NEB: variants seen among roughly 807,000 people sequenced by gnomAD.
NEB encodes the protein nebulin.
NEB carries 512 observed loss-of-function variants against 952.2 expected under a neutral mutation model. That is an observed-to-expected ratio of 0.54 (90% confidence interval 0.50 to 0.58). The LOEUF (loss-of-function observed/expected upper bound fraction) is 0.58. Among genes scored for constraint, NEB ranks in the 20% least tolerant of loss-of-function variants. The pLI, the probability that NEB is intolerant of heterozygous loss-of-function variation, is 0.00. For synonymous variants in NEB, 2,900 were observed against 3,149.8 expected (o/e 0.92, Z 2.66); for missense variants, 8,428 against 9,231.1 (o/e 0.91, Z 3.56).
intron 181 of NEB, among the ~76,000 whole-genome samples, chr2:151,487,429 AATAG>A (rs2051703873): frequency 1.3e-5 from 2 of 152,220 alleles, no homozygotes; most frequent in Non-Finnish European, 2.9e-5. Flanking sequence ...CAAATTCACA[AATAG>A]ATTTCCTTTC....
intron 25 of NEB, among the ~76,000 whole-genome samples, 184 bp downstream of exon 25, chr2:151,688,108 C>T (rs2099516980): frequency 6.6e-6 from 1 of 152,202 alleles, no homozygotes; most frequent in Non-Finnish European, 1.5e-5. Flanking sequence ...ACAGAGACCA[C>T]AGAAAATGAA....
rs765738019 is a variant in NEB at position 151,575,703 on chromosome 2, C to A, written c.17005G>T (p.Val5669Leu). The A allele has an allele frequency of 6.3e-7, 1 of 1,589,444 alleles. No individual in the cohort carries two copies. Among genetic ancestry groups the A allele is most frequent in the Non-Finnish European group, 8.6e-7 (1 of 1,157,620 alleles). The change falls in exon 107 of 182, where the codon GTG (valine) becomes TTG (leucine). Residue 5669 changes from valine (V) to leucine (L), a missense_variant. By Grantham distance (32) the Val-to-Leu change is conservative. Around this residue, in one of 11 missense-constraint regions of NEB, gnomAD observed 3,374 missense variants for 3,651.5 expected, o/e 0.92. Transcript: ENST00000397345. The stretch of plus-strand genomic sequence containing the variant: ...TCTGTTGTAGTACTTACATTGCTCA[C>A]ATTAAGAGCATTTGCTCTAGCGAGA... Reference protein sequence around the residue: ...INLARANALNVSNKLYREGWD... With the variant: ...INLARANALNLSNKLYREGWD...
Position 151,497,669 on chromosome 2 carries a change from G to A in NEB, c.24257C>T (p.Pro8086Leu). The A allele has an allele frequency of 6.3e-7, 1 of 1,586,054 alleles. No homozygotes were observed. ...ATTGTGTTTGACTCTTTCCATCTCGGGAGTGACAGGTAAAGGGGTTCCCTT... is the reference window on the plus strand; with the variant it reads ...ATTGTGTTTGACTCTTTCCATCTCGAGAGTGACAGGTAAAGGGGTTCCCTT... ...MGKGTPLPVTPEMERVKHNQE... is the reference protein window; with the variant it reads ...MGKGTPLPVTLEMERVKHNQE... Residue 8086 changes from proline (P) to leucine (L), a missense_variant, in exon 171 of 182, where the codon CCC becomes CTC. Pro to Leu is a moderately conservative substitution (Grantham distance 98). This residue lies in a region of NEB where 3,374 missense variants were observed against 3,651.5 expected (regional missense o/e 0.92). Transcript: ENST00000397345.
At position 151,682,748 on chromosome 2, in the gene NEB, T is replaced by G; in HGVS notation, c.2857A>C (p.Asn953His). ...CAGCCACAACCTTTCATCCAGCTATTGTAGTCAGCTTTGTATTCAACCTAA... is the reference window on the plus strand; with the variant it reads ...CAGCCACAACCTTTCATCCAGCTATGGTAGTCAGCTTTGTATTCAACCTAA... ...QSDVEYKADY[N>H]SWMKGCGWVP... is the part of the protein sequence containing the mutation. Residue 953 changes from asparagine (N) to histidine (H), a missense_variant, in exon 29 of 182, where the codon AAT (asparagine) becomes CAT (histidine). Asn to His is a moderately conservative substitution (Grantham distance 68). Coordinates refer to ENST00000397345, the MANE Select transcript of NEB (RefSeq NM_001164508.2). 6.2e-7 allele frequency: 1 copy of G among 1,613,298 alleles called. No homozygotes were observed. Among genetic ancestry groups the G allele is most frequent in the South Asian group, 1.1e-5 (1 of 90,972 alleles).
At chr2:151,721,591 T>C (rs932360409) in intron 9 of NEB, among the ~76,000 whole-genome samples, 1 of 152,250 alleles carries the variant, frequency 6.6e-6, no homozygotes, top group African/African-American at 2.4e-5. Context: ...TTTTGTTTCA[T>C]TTTTAACTTT....
At chr2:151,577,201 A>G (rs1177660811) in intron 105 of NEB, among the ~76,000 whole-genome samples, 1 of 152,204 alleles carries the variant, frequency 6.6e-6, no homozygotes, top group East Asian at 1.9e-4. Flanking sequence ...CATCGGTCAT[A>G]GGATAAACAT....
intron 56 of NEB, 41 bp downstream of exon 56, chr2:151,644,427 A>G (rs755106823): frequency 5.9e-6 from 9 of 1,525,678 alleles, no homozygotes; most frequent in Non-Finnish European, 7.3e-6. Flanking sequence ...TGAAGTGATA[A>G]ATTGCAATCA....
In NEB at chr2:151,546,376, A is replaced by T; in HGVS notation, c.20435T>A (p.Met6812Lys). The change falls in exon 134 of 182, where the codon ATG becomes AAG. Residue 6812 changes from methionine (M) to lysine (K), a missense_variant. Coordinates refer to ENST00000397345, the MANE Select transcript of NEB (RefSeq NM_001164508.2). ...FGCFLYDTPD[M>K]VRSRHLRKLW... ...CTTCCGCAGGTGCCGGGAGCGGACC[A>T]TGTCAGGAGTGTCATACAGGAAGCA... is the stretch of plus-strand genomic sequence containing the variant. The T allele has an allele frequency of 1.2e-6, 2 of 1,613,272 alleles. No homozygotes were observed. The highest frequency in any genetic ancestry group is 1.7e-6 in the Non-Finnish European group (2 of 1,179,518).
chr2:151,569,822 T>C (rs2096563798), intron 109 of NEB, among the ~76,000 whole-genome samples: 1 of 152,256 alleles, frequency 6.6e-6, no homozygotes, highest in Non-Finnish European at 1.5e-5. Flanking sequence ...ATCTAAATTC[T>C]ATAGAAAGAA....
chr2:151,525,071 T>TAGAGTGACC, intron 151 of NEB, 92 bp downstream of exon 151: 1 of 951,472 alleles, frequency 1.1e-6, no homozygotes, highest in Non-Finnish European at 1.7e-6. Flanking sequence ...ACAGAGGAAT[T>TAGAGTGACC]AGAGTGACCA....
At chr2:151,497,206 G>A (rs2060804564) in intron 171 of NEB, 173 bp from the exon 172 acceptor site, 1 of 751,508 alleles carries the variant, frequency 1.3e-6, no homozygotes. Context: ...GAAGTTGTTG[G>A]GATGGGGAAT....
Position 151,540,376 on chromosome 2 carries a change from T to A in NEB, c.20860A>T (p.Arg6954Ter). The A allele has an allele frequency of 6.3e-7, 1 of 1,585,676 alleles. No homozygotes were observed. Among genetic ancestry groups the A allele is most frequent in the Non-Finnish European group, 8.6e-7 (1 of 1,164,064 alleles). ...GCATTCCAGTAAGCCCTCTTGGCTC[T>A]GATGAGGATTGGCGTATCTGGAACC... ...TPVPDTPILI[R>*]AKRAYWNASD... Residue 6954 changes from arginine (R) to a stop codon, truncating the protein, a stop_gained, in exon 138 of 182, where the codon AGA (arginine) becomes TGA (stop). Transcript: ENST00000397345. LOFTEE classifies it high-confidence loss of function.
chr2:151,732,299 G>A (rs2099810873), intron 3 of NEB, among the ~76,000 whole-genome samples: 1 of 151,974 alleles, frequency 6.6e-6, no homozygotes. Flanking sequence ...TTTATTTCTA[G>A]AATGTGAAGC....
At position 151,610,761 on chromosome 2, in the gene NEB, C is replaced by T. The variant is rs774495973; in HGVS notation, c.11910+1G>A. 19 of 1,605,614 alleles carry T rather than the reference C, an allele frequency of 1.2e-5. No individual in the cohort carries two copies. The highest frequency in any genetic ancestry group is 2.7e-5 in the African/African-American group (2 of 74,780). On this transcript the variant is annotated splice_donor_variant, in intron 79 of 181. Coordinates refer to ENST00000397345, the MANE Select transcript of NEB (RefSeq NM_001164508.2). LOFTEE classifies it high-confidence loss of function. Reference sequence around the variant, plus strand: ...TAAGCAACAATCAGGAAATCTCTTACTTGGCTGATATTGGCAGAATTACTC... The same window carrying T: ...TAAGCAACAATCAGGAAATCTCTTATTTGGCTGATATTGGCAGAATTACTC...
chr2:151,543,126 C>A (rs1413786070), intron 135 of NEB, among the ~76,000 whole-genome samples: 1 of 152,188 alleles, frequency 6.6e-6, no homozygotes, highest in African/African-American at 2.4e-5. Flanking sequence ...TAGGGCACAG[C>A]AGTTCAGTGG....
Position 151,697,441 on chromosome 2 carries a change from G to A in NEB, c.1274C>T (p.Ser425Phe). The part of the protein sequence containing the change: ...NFSSDKKYKD[S>F]YLKDILGHYV... ...ATGTCCCAAAATATCTTTTAAGTAGGAATCTTTATATTTTTTCTGCAAGAC... is the reference window on the plus strand; with the variant it reads ...ATGTCCCAAAATATCTTTTAAGTAGAAATCTTTATATTTTTTCTGCAAGAC... Residue 425 changes from serine (S) to phenylalanine (F), a missense_variant, in exon 15 of 182, where the codon TCC (serine) becomes TTC (phenylalanine). Around this residue, in one of 11 missense-constraint regions of NEB, gnomAD observed 2,851 missense variants for 2,791.5 expected, o/e 1.02. Coordinates refer to ENST00000397345, the MANE Select transcript of NEB (RefSeq NM_001164508.2). 2 of 1,613,396 alleles carry A rather than the reference G, an allele frequency of 1.2e-6. No homozygotes were observed. The highest frequency in any genetic ancestry group is 1.7e-6 in the Non-Finnish European group (2 of 1,179,510).
rs779124287 is a variant in NEB, at chr2:151,525,204, C to G, written c.22231G>C (p.Glu7411Gln). The change falls in exon 151 of 182, where the codon GAG (glutamate) becomes CAG (glutamine). Residue 7411 changes from glutamate to glutamine, a missense_variant. This residue lies in a region of NEB where 3,374 missense variants were observed against 3,651.5 expected (regional missense o/e 0.92). Coordinates refer to ENST00000397345, the MANE Select transcript of NEB (RefSeq NM_001164508.2). Reference sequence around the variant, plus strand: ...GCCACTTCCATAGCATGTTTCACCTCTGGTGGCTCCAGCATGATGGAGTAG... The same window carrying G: ...GCCACTTCCATAGCATGTTTCACCTGTGGTGGCTCCAGCATGATGGAGTAG... The part of the protein sequence containing the change: ...SNYSIMLEPP[E>Q]VKHAMEVAKK... The G allele has an allele frequency of 1.2e-6, 2 of 1,614,008 alleles. No homozygotes were observed. The highest frequency in any genetic ancestry group is 2.2e-5 in the East Asian group (1 of 44,892).
chr2:151,629,819 G>A lies in NEB; in HGVS notation c.9724-173C>T, dbSNP rs147371427. Reference sequence around the variant, plus strand: ...TATTCTACCAAAAATACTATATAGCGTTAGAAATAAATGGGATATATCAAT... The same window carrying A: ...TATTCTACCAAAAATACTATATAGCATTAGAAATAAATGGGATATATCAAT... On this transcript the variant is annotated intron_variant, in intron 67 of 181. Transcript: ENST00000397345. Among the ~76,000 whole-genome samples, 391 of 152,018 alleles carry A rather than the reference G, an allele frequency of 2.6e-3. 7 individuals are homozygous for A. In the East Asian group the frequency reaches 0.052, roughly 20 times the overall value.
rs570161989 is a variant in NEB at position 151,562,424 on chromosome 2, T to C, written c.18891+187A>G. Among the ~76,000 whole-genome samples the C allele has an allele frequency of 7.9e-5, 12 of 152,298 alleles. 1 individual carries two copies. In the East Asian group the frequency reaches 2.3e-3, roughly 29 times the overall value. On this transcript the variant is annotated intron_variant, in intron 120 of 181. Coordinates refer to ENST00000397345, the MANE Select transcript of NEB (RefSeq NM_001164508.2). Reference sequence around the variant, plus strand: ...TCTATTGTGAAACCAATTAAATATTTAACATATGTGTCCTATGGCTTAGGG... The same window carrying C: ...TCTATTGTGAAACCAATTAAATATTCAACATATGTGTCCTATGGCTTAGGG...
Sources: gnomAD v4.1 joint callset for allele counts (sites outside exome capture counted in the v4.1 genomes callset) on GRCh38, gnomAD v4.1.1 for gene constraint, gnomAD v4.1.1 regional missense constraint, MANE v1.5 for transcripts, NCBI Gene and HGNC (gene_info 2026-07-23, HGNC 2026-07-21) for gene names.